Variants in CD226 observed in about 807,000 individuals in gnomAD.
CD226 encodes the protein CD226 molecule.
In CD226, 24 loss-of-function variants were observed where a neutral mutation model predicts 34.9. That is an observed-to-expected ratio of 0.69 (90% confidence interval 0.50 to 0.97). The LOEUF (loss-of-function observed/expected upper bound fraction) is 0.97, where lower values mean the gene tolerates loss of function less well. CD226 is among the 50% of genes least tolerant of loss of function. The probability of loss-of-function intolerance (pLI) is 0.00; values close to 1 mark genes in which losing one functional copy is unlikely to be tolerated. For synonymous variants in CD226, 148 were observed against 147.4 expected, an observed-to-expected ratio of 1.00 and a Z score of -0.03; for missense variants, 397 against 412.7, an observed-to-expected ratio of 0.96 and a Z score of 0.33.
chr18:69,870,299 G>T (rs1237476375), intron 4 of CD226, among the ~76,000 whole-genome samples: 1 of 115,182 alleles, frequency 8.7e-6, no homozygotes. Context: ...TTTTGAGACA[G>T]AGTCTTACTC....
intron 3 of CD226, among the ~76,000 whole-genome samples, chr18:69,876,701 C>G (rs941824034): frequency 2.0e-5 from 3 of 152,092 alleles, no homozygotes; most frequent in Admixed American, 1.3e-4. Context: ...TAACAGGCAC[C>G]AGCTGAGTGT....
At chr18:69,884,212 A>G (rs1225187414) in intron 3 of CD226, among the ~76,000 whole-genome samples, 4 of 152,068 alleles carry the variant, frequency 2.6e-5, no homozygotes, top group African/African-American at 9.7e-5. Flanking sequence ...ACAAAACAAT[A>G]CAAATGACCA....
At chr18:69,929,961 C>T (rs2055569470) in intron 2 of CD226, among the ~76,000 whole-genome samples, 1 of 152,174 alleles carries the variant, frequency 6.6e-6, no homozygotes, top group Admixed American at 6.5e-5. Flanking sequence ...CCACAGGCTG[C>T]ATGCCATCTC....
At chr18:69,875,606 A>G (rs1031868207) in intron 3 of CD226, among the ~76,000 whole-genome samples, 10 of 152,190 alleles carry the variant, frequency 6.6e-5, no homozygotes, top group Non-Finnish European at 1.5e-4. Flanking sequence ...GTGAGAGCTC[A>G]CTGGGGTTTT....
chr18:69,881,250 G>A (rs1270935227), intron 3 of CD226, among the ~76,000 whole-genome samples: 2 of 152,198 alleles, frequency 1.3e-5, no homozygotes, highest in African/African-American at 4.8e-5. Flanking sequence ...ACCATAATGA[G>A]TGAGTTCACA....
intron 2 of CD226, among the ~76,000 whole-genome samples, chr18:69,945,697 T>C (rs547478524): frequency 5.3e-5 from 8 of 152,134 alleles, no homozygotes; most frequent in Non-Finnish European, 8.8e-5. Flanking sequence ...CTACAAAAAA[T>C]ACAACAATCA....
At chr18:69,905,877 G>C (rs916888972) in intron 2 of CD226, among the ~76,000 whole-genome samples, 1 of 152,116 alleles carries the variant, frequency 6.6e-6, no homozygotes. Flanking sequence ...ATTGCCCGAC[G>C]GTGCTCACCA....
Position 69,861,554 on chromosome 18 carries a change from G to GTATATGTATATATATATATATATA in CD226, c.*2759_*2760insTATATATATATATATATACATATA, listed in dbSNP as rs1555675809. ...ATAAATTATATGTGTATATATATAT[G>GTATATGTATATATATATATATATA]TATATATATATATATATATGTAAAA... On this transcript the variant is annotated 3_prime_UTR_variant, in exon 6 of 6. Transcript: ENST00000582621. 4.3e-4 allele frequency: 55 copies of GTATATGTATATATATATATATATA among 127,938 alleles called. No individual in the cohort carries two copies. Among genetic ancestry groups the GTATATGTATATATATATATATATA allele is most frequent in the African/African-American group, 1.5e-3 (54 of 36,356 alleles). The allele number at this position is 127,938 out of a possible 1,614,324, so 7.9% of individuals were successfully genotyped here.
intron 3 of CD226, among the ~76,000 whole-genome samples, chr18:69,895,182 T>A (rs1006308112): frequency 6.6e-6 from 1 of 152,164 alleles, no homozygotes; most frequent in African/African-American, 2.4e-5. Flanking sequence ...TGTTTCTGCA[T>A]CCACATCTGA....
At chr18:69,920,693 G>A (rs748729114) in intron 2 of CD226, among the ~76,000 whole-genome samples, 4 of 152,206 alleles carry the variant, frequency 2.6e-5, no homozygotes, top group South Asian at 4.2e-4. Context: ...ACTTTGCAGC[G>A]GATGTTTATT....
At chr18:69,881,031 T>C (rs1203084942) in intron 3 of CD226, among the ~76,000 whole-genome samples, 1 of 152,202 alleles carries the variant, frequency 6.6e-6, no homozygotes, top group Non-Finnish European at 1.5e-5. Context: ...AAATTTCAAA[T>C]ATCTCACAGT....
intron 2 of CD226, among the ~76,000 whole-genome samples, chr18:69,903,316 AC>A (rs528845662): frequency 1.3e-5 from 2 of 152,156 alleles, no homozygotes; most frequent in African/African-American, 2.4e-5. Context: ...CTTCCCTAGA[AC>A]GCATCAGCAT....
chr18:69,957,178 C>T (rs1568213276), upstream of CD226: 1 of 152,186 alleles, frequency 6.6e-6, no homozygotes, highest in Non-Finnish European at 1.5e-5. Context: ...TTTGTTCTAG[C>T]TCTAAATAGA....
chr18:69,864,377 A>T lies in CD226; in HGVS notation c.948T>A (p.Asp316Glu). The change falls in exon 6 of 6, where the codon GAT becomes GAA. Residue 316 changes from aspartate to glutamate, a missense_variant. Asp to Glu is a conservative substitution (Grantham distance 45). Coordinates refer to ENST00000582621, the MANE Select transcript of CD226 (RefSeq NM_001303618.2). The part of the protein sequence containing the change: ...TSQPTNQSMD[D>E]TREDIYVNYP... ...AGTTGACATAAATATCCTCTCTTGT[A>T]TCATCCATGGATTGATTGGTAGGTT... The T allele has an allele frequency of 1.9e-6, 3 of 1,613,352 alleles. No individual in the cohort carries two copies. The highest frequency in any genetic ancestry group is 1.7e-6 in the Non-Finnish European group (2 of 1,179,356).
intron 4 of CD226, 137 bp from the exon 5 acceptor site, chr18:69,867,548 C>T (rs986669385): frequency 3.4e-6 from 2 of 588,422 alleles, no homozygotes; most frequent in Non-Finnish European, 3.0e-6. Context: ...GCACATTTAT[C>T]CAAAATTCTG....
chr18:69,916,683 G>C (rs1288836161), intron 2 of CD226, among the ~76,000 whole-genome samples: 3 of 152,094 alleles, frequency 2.0e-5, no homozygotes, highest in Non-Finnish European at 4.4e-5. Flanking sequence ...TCATCCACTA[G>C]GGTATCAACC....
chr18:69,961,187 G>T (rs1442861869), upstream of CD226, among the ~76,000 whole-genome samples: 1 of 152,180 alleles, frequency 6.6e-6, no homozygotes, highest in Non-Finnish European at 1.5e-5. Flanking sequence ...GTGCCTGTGT[G>T]AATATATATG....
chr18:69,941,997 T>C (rs1012198173), intron 2 of CD226, among the ~76,000 whole-genome samples: 27 of 152,150 alleles, frequency 1.8e-4, no homozygotes, highest in Non-Finnish European at 8.8e-5. Context: ...CAAAATCTGA[T>C]GGTTTTATAA....
chr18:69,938,005 T>G (rs750722824), intron 2 of CD226, among the ~76,000 whole-genome samples: 1 of 152,008 alleles, frequency 6.6e-6, no homozygotes, highest in Non-Finnish European at 1.5e-5. Flanking sequence ...CCCTGAAGGG[T>G]GTAGAGATAA....
Sources: gnomAD v4.1 joint callset for allele counts (sites outside exome capture counted in the v4.1 genomes callset) on GRCh38, gnomAD v4.1.1 for gene constraint, MANE v1.5 for transcripts, NCBI Gene and HGNC (gene_info 2026-07-23, HGNC 2026-07-21) for gene names.